Variants in NARF observed in about 807,000 individuals in gnomAD.
NARF encodes the protein nuclear prelamin A recognition factor, also known as iron-only hydrogenase-like protein 2.
A neutral mutation model predicts 48.0 loss-of-function variants in NARF; 41 were observed. The ratio of observed to expected loss-of-function variants is 0.85; its 90% CI spans 0.66 to 1.11. The LOEUF (loss-of-function observed/expected upper bound fraction) is 1.11, where lower values mean the gene tolerates loss of function less well. Among genes scored for constraint, NARF ranks in the 50% least tolerant of loss-of-function variants. The pLI, the probability that NARF is intolerant of heterozygous loss-of-function variation, is 0.00. For synonymous variants in NARF, 215 were observed against 225.5 expected, an observed-to-expected ratio of 0.95 and a Z score of 0.42; for missense variants, 613 against 590.2, an observed-to-expected ratio of 1.04 and a Z score of -0.40.
intron 2 of NARF, chr17:82,460,337 C>A: frequency 4.0e-6 from 1 of 248,008 alleles, no homozygotes; most frequent in Non-Finnish European, 8.0e-6. Context: ...TGGTGGTGTA[C>A]GCCTGTAATC....
At chr17:82,480,081 T>A (rs995081719) in intron 6 of NARF, 3 of 190,848 alleles carry the variant, frequency 1.6e-5, no homozygotes, top group African/African-American at 7.0e-5. Context: ...GGGGCGGGTT[T>A]CCTCTTTTGC....
rs73999930 is a variant in NARF, at chr17:82,469,126, A to G, written c.385+230A>G. ...TGCACAGACAGGTGTTTTGTTACAC[A>G]GTGGGAGCTGACCCCTCTGGGACCA... On this transcript the variant is annotated intron_variant, in intron 4 of 10. Transcript: ENST00000309794. Among the ~76,000 whole-genome samples the G allele has an allele frequency of 2.3e-3, 357 of 152,300 alleles. 3 individuals carry two copies. The highest frequency in any genetic ancestry group is 7.8e-3 in the African/African-American group (324 of 41,558).
chr17:82,464,485 G>A lies in NARF; in HGVS notation c.252+55G>A, dbSNP rs2043513937. ...GGGGAGCTGACCTGGAGGAAGTGGA[G>A]GTGAGGCCTGGCTTCCTGCACAGAA... is the stretch of plus-strand genomic sequence containing the variant. On this transcript the variant is annotated intron_variant, in intron 3 of 10. Coordinates refer to ENST00000309794, the MANE Select transcript of NARF (RefSeq NM_012336.4). 7 of 1,562,416 alleles carry A rather than the reference G, an allele frequency of 4.5e-6. No homozygotes were observed. The South Asian group carries it at 4.8e-5, about 11-fold the overall frequency.
chr17:82,470,513 G>A (rs1567934429), intron 4 of NARF, among the ~76,000 whole-genome samples: 1 of 151,822 alleles, frequency 6.6e-6, no homozygotes, highest in Non-Finnish European at 1.5e-5. Flanking sequence ...TGTTGTTCTT[G>A]AGACGGAGTC....
intron 4 of NARF, among the ~76,000 whole-genome samples, chr17:82,469,878 A>G (rs1008200969): frequency 6.8e-6 from 1 of 147,976 alleles, no homozygotes; most frequent in Non-Finnish European, 1.5e-5. Flanking sequence ...TGCTGGGATT[A>G]CAGGCATGTG....
chr17:82,483,938 A>G (rs975137056), intron 8 of NARF, 159 bp downstream of exon 8: 1 of 623,898 alleles, frequency 1.6e-6, no homozygotes, highest in Non-Finnish European at 2.8e-6. Flanking sequence ...CAGCCACCCT[A>G]TAGCTGTTGA....
chr17:82,459,964 A>G (rs1329015271), intron 1 of NARF, 28 bp from the exon 2 acceptor site: 3 of 1,571,652 alleles, frequency 1.9e-6, no homozygotes, highest in African/African-American at 2.7e-5. Context: ...GTAAAAGTTC[A>G]TTGATAATGT....
chr17:82,479,610 C>CT lies in NARF; in HGVS notation c.639+693dup, dbSNP rs2043914043. Among the ~76,000 whole-genome samples, 3 of 152,364 alleles carry CT rather than the reference C, an allele frequency of 2.0e-5. No homozygotes were observed. The South Asian group carries it at 6.2e-4, about 32-fold the overall frequency. Reference sequence around the variant, plus strand: ...TCTCCAGCCGCTGGCATGCCCCACACTGCTCTTCTCAATCAGACTTTACAC... The same window carrying CT: ...TCTCCAGCCGCTGGCATGCCCCACACTTGCTCTTCTCAATCAGACTTTACAC... On this transcript the variant is annotated intron_variant, in intron 6 of 10. Transcript: ENST00000309794.
At position 82,468,836 on chromosome 17, in the gene NARF, A is replaced by G; in HGVS notation, c.325A>G (p.Lys109Glu). The change falls in exon 4 of 11, where the codon AAA (lysine) becomes GAA (glutamate). Residue 109 changes from lysine (K) to glutamate (E), a missense_variant. Lys to Glu is a moderately conservative substitution (Grantham distance 56, BLOSUM62 1). Coordinates refer to ENST00000309794, the MANE Select transcript of NARF (RefSeq NM_012336.4). ...CPQSLPYFAA[K>E]FNLSVTDASR... ...TCAATCTTTGCCTTATTTTGCTGCTAAATTCAACCTCAGTGTAACTGATGC... is the reference window on the plus strand; with the variant it reads ...TCAATCTTTGCCTTATTTTGCTGCTGAATTCAACCTCAGTGTAACTGATGC... 6.2e-7 allele frequency: 1 copy of G among 1,614,170 alleles called. No homozygotes were observed. Among genetic ancestry groups the G allele is most frequent in the Non-Finnish European group, 8.5e-7 (1 of 1,180,002 alleles).
chr17:82,460,254 C>G, intron 2 of NARF, 182 bp downstream of exon 2: 1 of 482,922 alleles, frequency 2.1e-6, no homozygotes, highest in South Asian at 2.6e-5. Flanking sequence ...CACTTGAGGT[C>G]AGGAGTTTGA....
At chr17:82,461,512 G>T in intron 2 of NARF, among the ~76,000 whole-genome samples, 1 of 152,206 alleles carries the variant, frequency 6.6e-6, no homozygotes, top group East Asian at 1.9e-4. Flanking sequence ...TCAGGAGCCT[G>T]AGGCAGGAGA....
intron 1 of NARF, 33 bp downstream of exon 1, chr17:82,458,863 G>C: frequency 1.4e-6 from 2 of 1,389,128 alleles, no homozygotes; most frequent in Admixed American, 3.2e-5. Flanking sequence ...GCGCGCGCCT[G>C]GTGCTTGTCC....
chr17:82,488,380 CT>C lies in NARF; in HGVS notation c.*236del, dbSNP rs11400755. 38,218 of 436,136 alleles carry C rather than the reference CT, an allele frequency of 0.088. No homozygotes were observed. Among genetic ancestry groups the C allele is most frequent in the South Asian group, 0.15 (3,827 of 26,320 alleles). 27.0% of individuals were successfully genotyped at this position (436,136 alleles called of 1,614,324 possible). ...GGTGTGGGATTGGAACTTTTTTTTT[CT>C]TTTTTTTTTTTTGAGACGGAGTCTC... On this transcript the variant is annotated 3_prime_UTR_variant, in exon 11 of 11. Transcript: ENST00000309794.
chr17:82,478,469 T>C (rs2043884089), intron 5 of NARF: 5 of 433,490 alleles, frequency 1.2e-5, no homozygotes, highest in Middle Eastern at 3.4e-4. Flanking sequence ...TTTTGCACGG[T>C]GCAGCCTGGG....
Position 82,464,817 on chromosome 17 carries a change from C to G in NARF, c.252+387C>G, listed in dbSNP as rs111339730. Among the ~76,000 whole-genome samples, 989 of 152,220 alleles carry G rather than the reference C, an allele frequency of 6.5e-3. 10 individuals are homozygous for G. Among genetic ancestry groups the G allele is most frequent in the African/African-American group, 0.023 (952 of 41,536 alleles). On this transcript the variant is annotated intron_variant, in intron 3 of 10. Transcript: ENST00000309794. ...ACACGAGAGTTATGTTCTAATAGAC[C>G]GATCAGCTTGGGGCAAGGCAGAGAC... is the stretch of plus-strand genomic sequence containing the variant.
intron 10 of NARF, among the ~76,000 whole-genome samples, chr17:82,486,110 G>C (rs185258519): frequency 2.0e-5 from 3 of 152,164 alleles, no homozygotes; most frequent in East Asian, 3.9e-4. Context: ...CCCTTGTTGC[G>C]TGGAGGGAGG....
intron 4 of NARF, among the ~76,000 whole-genome samples, chr17:82,470,275 G>C (rs1030832974): frequency 1.3e-5 from 2 of 152,082 alleles, no homozygotes; most frequent in East Asian, 1.9e-4. Context: ...AGCGACAGGT[G>C]CCCACACGTT....
intron 3 of NARF, 68 bp downstream of exon 3, chr17:82,464,498 T>A: frequency 6.5e-7 from 1 of 1,536,464 alleles, no homozygotes; most frequent in Non-Finnish European, 8.8e-7. Flanking sequence ...GAGGCCTGGC[T>A]TCCTGCACAG....
intron 5 of NARF, among the ~76,000 whole-genome samples, 166 bp downstream of exon 5, chr17:82,472,864 G>C (rs1355803112): frequency 1.3e-5 from 2 of 152,152 alleles, no homozygotes; most frequent in Non-Finnish European, 2.9e-5. Context: ...TGATGTTTTG[G>C]GACAGCCAAT....
Sources: allele counts gnomAD v4.1 joint callset (sites outside exome capture counted in the v4.1 genomes callset), GRCh38; gene constraint gnomAD v4.1.1; transcripts MANE v1.5; gene names NCBI Gene and HGNC (gene_info 2026-07-23, HGNC 2026-07-21).